The following SMARCD2 variants were observed in gnomAD, a reference collection of about 807,000 sequenced individuals.
SMARCD2 encodes SWI/SNF-related matrix-associated actin-dependent regulator of chromatin subfamily D member 2.
SMARCD2 carries 39 observed loss-of-function variants against 70.4 expected under a neutral mutation model. That is an observed-to-expected ratio of 0.55 (90% confidence interval 0.43 to 0.72). The LOEUF (loss-of-function observed/expected upper bound fraction) is 0.72. SMARCD2 is among the 30% of genes least tolerant of loss of function. The pLI is 0.00. For synonymous variants in SMARCD2, 249 were observed against 279.4 expected, an observed-to-expected ratio of 0.89 and a Z score of 1.08; for missense variants, 540 against 713.4, an observed-to-expected ratio of 0.76 and a Z score of 2.77.
At chr17:63,835,158 C>G in intron 5 of SMARCD2, 1 of 542,884 alleles carries the variant, frequency 1.8e-6, no homozygotes. Context: ...CAATCTCACT[C>G]TGTCACCCAG....
intron 1 of SMARCD2, among the ~76,000 whole-genome samples, chr17:63,842,029 C>A (rs1904483076): frequency 6.6e-6 from 1 of 152,176 alleles, no homozygotes; most frequent in Non-Finnish European, 1.5e-5. Flanking sequence ...TCCGCCAGTT[C>A]CCAATCAGAA....
chr17:63,837,474 TG>T lies in SMARCD2; in HGVS notation c.367del (p.Gln123ArgfsTer13). The T allele has an allele frequency of 6.3e-7, 1 of 1,584,782 alleles. No homozygotes were observed. Among genetic ancestry groups the T allele is most frequent in the Non-Finnish European group, 8.6e-7 (1 of 1,162,682 alleles). ...DPFRKRLLVPQAQPPMPAQRR... is the reference protein window; with the variant it reads ...DPFRKRLLVPXAQPPMPAQRR... ...CTGGGCAGGCATGGGAGGCTGCGCC[TG>T]GGGCACAAGCAGGCGTTTTCGGAAT... On this transcript the variant is annotated frameshift_variant, in exon 2 of 13. Coordinates refer to ENST00000448276, the MANE Select transcript of SMARCD2 (RefSeq NM_001098426.2). LOFTEE classifies it high-confidence loss of function. The surrounding 1 kb of genome is among the most constrained non-coding windows in gnomAD (Gnocchi z 6.4).
In SMARCD2 at chr17:63,835,355, C is replaced by G. The variant is rs151312989; in HGVS notation, c.723+57G>C. On this transcript the variant is annotated intron_variant, in intron 5 of 12. Coordinates refer to ENST00000448276, the MANE Select transcript of SMARCD2 (RefSeq NM_001098426.2). ...TCAGGCTAGTATCAAACTCCTTGGTCTCAGTCTTAAACCCACACAGGCCTC... is the reference window on the plus strand; with the variant it reads ...TCAGGCTAGTATCAAACTCCTTGGTGTCAGTCTTAAACCCACACAGGCCTC... 24 of 1,550,670 alleles carry G rather than the reference C, an allele frequency of 1.5e-5. No individual in the cohort carries two copies. In the African/African-American group the frequency reaches 3.3e-4, roughly 21 times the overall value.
At chr17:63,838,134 T>C (rs1198588053) in intron 1 of SMARCD2, among the ~76,000 whole-genome samples, 1 of 151,860 alleles carries the variant, frequency 6.6e-6, no homozygotes, top group Non-Finnish European at 1.5e-5. Context: ...CCAATCCCCA[T>C]CCTCTGTGGC....
chr17:63,833,222 T>C lies in SMARCD2; in HGVS notation c.1441-52A>G. ...AGCATAATCCCCACCCCTGGGCTAA[T>C]CCACCCTGGGAACTGCTGTGGGTAA... is the stretch of plus-strand genomic sequence containing the variant. On this transcript the variant is annotated intron_variant, in intron 11 of 12. Transcript: ENST00000448276. The surrounding 1 kb of genome is among the most constrained non-coding windows in gnomAD (Gnocchi z 4.3). 3.7e-6 allele frequency: 6 copies of C among 1,612,054 alleles called. No homozygotes were observed. Among genetic ancestry groups the C allele is most frequent in the Non-Finnish European group, 5.1e-6 (6 of 1,178,420 alleles).
intron 1 of SMARCD2, among the ~76,000 whole-genome samples, chr17:63,840,874 A>G (rs1904433217): frequency 1.3e-5 from 2 of 152,240 alleles, no homozygotes; most frequent in Non-Finnish European, 2.9e-5. Flanking sequence ...AGGCCTAACC[A>G]GCCAGCCAGC....
At position 63,833,428 on chromosome 17, in the gene SMARCD2, G is replaced by A. The variant is rs1449728131; in HGVS notation, c.1318-8C>T. ...CTCAATGGTCTCATGGATCTGGAGA[G>A]GGTACCTGTGTCAGACTGTGCCCCC... On this transcript the variant is annotated splice_polypyrimidine_tract_variant and splice_region_variant and intron_variant, in intron 10 of 12. Transcript: ENST00000448276. This position sits in a 1 kb window ranked among gnomAD's most constrained non-coding sequence, Gnocchi z 4.3. 1 of 1,613,908 alleles carries A rather than the reference G, an allele frequency of 6.2e-7. No individual in the cohort carries two copies. Among genetic ancestry groups the A allele is most frequent in the South Asian group, 1.1e-5 (1 of 91,072 alleles).
chr17:63,836,216 T>G (rs1281827935), intron 4 of SMARCD2, among the ~76,000 whole-genome samples: 1 of 151,868 alleles, frequency 6.6e-6, no homozygotes. Context: ...GGGACTGTTC[T>G]ACATTATTAT....
rs1429456573 is a variant in SMARCD2, at chr17:63,833,814, G to A, written c.1182-92C>T. 8.9e-6 allele frequency: 14 copies of A among 1,579,164 alleles called. No homozygotes were observed. In the African/African-American group the frequency reaches 1.9e-4, roughly 21 times the overall value. On this transcript the variant is annotated intron_variant, in intron 9 of 12. Transcript: ENST00000448276. This position sits in a 1 kb window ranked among gnomAD's most constrained non-coding sequence, Gnocchi z 4.3. ...GGGGCCCATTCTCTGCACACACTCA[G>A]GGAAAAAGAAACCTGATGCTTTCTT...
chr17:63,842,389 C>T, intron 1 of SMARCD2, 70 bp downstream of exon 1: 4 of 1,267,798 alleles, frequency 3.2e-6, no homozygotes, highest in Non-Finnish European at 4.0e-6. Flanking sequence ...ACTCGAGGCC[C>T]CTTCAGCCGC....
At position 63,833,829 on chromosome 17, in the gene SMARCD2, G is replaced by A; in HGVS notation, c.1181+80C>T. On this transcript the variant is annotated intron_variant, in intron 9 of 12. Coordinates refer to ENST00000448276, the MANE Select transcript of SMARCD2 (RefSeq NM_001098426.2). The surrounding 1 kb of genome is among the most constrained non-coding windows in gnomAD (Gnocchi z 4.3). The stretch of plus-strand genomic sequence containing the variant: ...CACACACTCAGGGAAAAAGAAACCT[G>A]ATGCTTTCTTTGGCTTTAGTTCAAG... 6.4e-7 allele frequency: 1 copy of A among 1,556,128 alleles called. No individual in the cohort carries two copies. Among genetic ancestry groups the A allele is most frequent in the Admixed American group, 1.7e-5 (1 of 58,786 alleles).
Position 63,834,317 on chromosome 17 carries a change from G to A in SMARCD2, c.933C>T (p.Tyr311=). 1 of 1,611,772 alleles carries A rather than the reference G, an allele frequency of 6.2e-7. No individual in the cohort carries two copies. The highest frequency in any genetic ancestry group is 8.5e-7 in the Non-Finnish European group (1 of 1,178,454). The change falls in exon 8 of 13, where the codon TAC becomes TAT. Residue 311 remains tyrosine, a synonymous_variant. Transcript: ENST00000448276. The surrounding 1 kb of genome is among the most constrained non-coding windows in gnomAD (Gnocchi z 5.6). Reference sequence around the variant, plus strand: ...GCCTTGCCAATCGGGGGTCCAATTTGTACTGGGGAGGCTGGAGTTGGATGG... The same window carrying A: ...GCCTTGCCAATCGGGGGTCCAATTTATACTGGGGAGGCTGGAGTTGGATGG... ...LLMLDHQPPQ[Y]KLDPRLARLL... is the part of the protein sequence containing the mutation.
Position 63,833,232 on chromosome 17 carries a change from G to T in SMARCD2, c.1441-62C>A. 5 of 1,612,508 alleles carry T rather than the reference G, an allele frequency of 3.1e-6. No homozygotes were observed. The highest frequency in any genetic ancestry group is 4.2e-6 in the Non-Finnish European group (5 of 1,178,698). ...CCACCCCTGGGCTAATCCACCCTGG[G>T]AACTGCTGTGGGTAAAAATCACCCA... On this transcript the variant is annotated intron_variant, in intron 11 of 12. Transcript: ENST00000448276. The surrounding 1 kb of genome is among the most constrained non-coding windows in gnomAD (Gnocchi z 4.3).
In SMARCD2 at chr17:63,834,895, G is replaced by A; in HGVS notation, c.724-95C>T. On this transcript the variant is annotated intron_variant, in intron 5 of 12. Transcript: ENST00000448276. This position sits in a 1 kb window ranked among gnomAD's most constrained non-coding sequence, Gnocchi z 5.6. ...AAAGAGAAGCCCCATTTCAGCCCTG[G>A]AGCTCCGGATACTGAAGATTCCTGG... 1 of 883,698 alleles carries A rather than the reference G, an allele frequency of 1.1e-6. No homozygotes were observed. Among genetic ancestry groups the A allele is most frequent in the Non-Finnish European group, 1.9e-6 (1 of 538,764 alleles). 54.7% of individuals were successfully genotyped at this position (883,698 alleles called of 1,614,324 possible).
At position 63,833,568 on chromosome 17, in the gene SMARCD2, G is replaced by A; in HGVS notation, c.1317+19C>T. ...CCAATCCTGGGCCCCAGAGGAAGCT[G>A]TGGAGCCAGAGGGCCCACCTTGACA... is the stretch of plus-strand genomic sequence containing the variant. On this transcript the variant is annotated intron_variant, in intron 10 of 12. Transcript: ENST00000448276. This position sits in a 1 kb window ranked among gnomAD's most constrained non-coding sequence, Gnocchi z 4.3. 1 of 1,613,942 alleles carries A rather than the reference G, an allele frequency of 6.2e-7. No individual in the cohort carries two copies. The highest frequency in any genetic ancestry group is 8.5e-7 in the Non-Finnish European group (1 of 1,179,832).
At chr17:63,842,222 T>C (rs1234851936) in intron 1 of SMARCD2, among the ~76,000 whole-genome samples, 2 of 152,124 alleles carry the variant, frequency 1.3e-5, no homozygotes, top group Non-Finnish European at 2.9e-5. Context: ...GGAATCCCTG[T>C]GCCGCGGAAG....
Position 63,837,672 on chromosome 17 carries a change from CT to C in SMARCD2, c.217-48del. 2 of 1,518,604 alleles carry C rather than the reference CT, an allele frequency of 1.3e-6. No individual in the cohort carries two copies. The highest frequency in any genetic ancestry group is 4.6e-5 in the East Asian group (2 of 43,448). The allele number at this position is 1,518,604 out of a possible 1,614,324, so 94.1% of individuals were successfully genotyped here. A position where few individuals can be genotyped will look rare whatever the true frequency, so the allele number is the denominator to read the frequency against. On this transcript the variant is annotated intron_variant, in intron 1 of 12. Coordinates refer to ENST00000448276, the MANE Select transcript of SMARCD2 (RefSeq NM_001098426.2). The surrounding 1 kb of genome is among the most constrained non-coding windows in gnomAD (Gnocchi z 6.4). ...GGGTGCATAGGTCAGGGGCAAGGCC[CT>C]CCGGGACCCATAGCCCATGCCCTCC...
Position 63,833,788 on chromosome 17 carries a change from T to G in SMARCD2, c.1182-66A>C. On this transcript the variant is annotated intron_variant, in intron 9 of 12. Transcript: ENST00000448276. The surrounding 1 kb of genome is among the most constrained non-coding windows in gnomAD (Gnocchi z 4.3). The stretch of plus-strand genomic sequence containing the variant: ...TCATCCTGCCCACCTGGGCCAAATC[T>G]GGGGCCCATTCTCTGCACACACTCA... 6.2e-7 allele frequency: 1 copy of G among 1,603,578 alleles called. No homozygotes were observed. Among genetic ancestry groups the G allele is most frequent in the Non-Finnish European group, 8.5e-7 (1 of 1,170,964 alleles).
intron 4 of SMARCD2, among the ~76,000 whole-genome samples, chr17:63,835,852 CCA>C (rs1165035476): frequency 5.3e-5 from 8 of 151,774 alleles, no homozygotes; most frequent in African/African-American, 1.7e-4. Context: ...CCTCAGTCTC[CCA>C]TGTAGCTGGG....
Sources: allele counts gnomAD v4.1 joint callset (sites outside exome capture counted in the v4.1 genomes callset), GRCh38; gene constraint gnomAD v4.1.1; non-coding constraint Gnocchi (gnomAD v3.1); transcripts MANE v1.5; gene names NCBI Gene and HGNC (gene_info 2026-07-23, HGNC 2026-07-21).